The following HDAC9 variants were observed in gnomAD, a reference collection of about 807,000 sequenced individuals.
HDAC9 encodes histone deacetylase 9, also known as MEF-2 interacting transcription repressor (MITR) protein.
HDAC9 carries 41 observed loss-of-function variants against 139.4 expected under a neutral mutation model. The ratio of observed to expected loss-of-function variants is 0.29; its 90% CI spans 0.23 to 0.38. HDAC9 has a LOEUF of 0.38. Ranked by LOEUF, HDAC9 falls within the 10% of genes least tolerant of loss-of-function variation. The pLI is 1.00. For missense variants in HDAC9, 1,147 were observed against 1,297.0 expected, an observed-to-expected ratio of 0.88 and a Z score of 1.78; for synonymous variants, 517 against 476.2, an observed-to-expected ratio of 1.09 and a Z score of -1.12.
chr7:18,713,131 T>G (rs1486551998), intron 12 of HDAC9, among the ~76,000 whole-genome samples: 5 of 152,196 alleles, frequency 3.3e-5, no homozygotes, highest in Admixed American at 3.3e-4. Flanking sequence ...GAAAAGTCTA[T>G]TTTGTGGGCA....
intron 1 of HDAC9, among the ~76,000 whole-genome samples, chr7:18,389,420 A>C (rs1329808433): frequency 6.6e-6 from 1 of 152,234 alleles, no homozygotes; most frequent in African/African-American, 2.4e-5. Flanking sequence ...CGAAATCAGC[A>C]CATGGCTTCC....
chr7:18,715,395 A>G (rs1784628332), intron 12 of HDAC9, among the ~76,000 whole-genome samples: 1 of 152,200 alleles, frequency 6.6e-6, no homozygotes, highest in South Asian at 2.1e-4. Flanking sequence ...TTCAATGACA[A>G]AAGATATTTG....
intron 2 of HDAC9, among the ~76,000 whole-genome samples, chr7:18,217,527 G>A (rs1330209007): frequency 1.3e-5 from 2 of 151,816 alleles, no homozygotes; most frequent in South Asian, 2.1e-4. Flanking sequence ...GGACCTTTTT[G>A]GGTACTTTTA....
At chr7:18,945,922 A>G (rs1782355253) in intron 23 of HDAC9, among the ~76,000 whole-genome samples, 2 of 151,612 alleles carry the variant, frequency 1.3e-5, no homozygotes, top group South Asian at 4.2e-4. Flanking sequence ...CTGTATTCCC[A>G]GCTACTCAGG....
chr7:18,194,215 C>T (rs1299272837), intron 2 of HDAC9, among the ~76,000 whole-genome samples: 1 of 152,126 alleles, frequency 6.6e-6, no homozygotes, highest in Admixed American at 6.6e-5. Flanking sequence ...GTCATTTCTA[C>T]TTGCATTCTT....
chr7:18,571,453 A>G (rs1024409868), intron 2 of HDAC9, among the ~76,000 whole-genome samples: 5 of 152,204 alleles, frequency 3.3e-5, no homozygotes, highest in African/African-American at 1.2e-4. Context: ...CGTCTTTTCT[A>G]AAACATTTCC....
chr7:18,343,145 A>G (rs1173370522), intron 1 of HDAC9, among the ~76,000 whole-genome samples: 1 of 151,780 alleles, frequency 6.6e-6, no homozygotes, highest in African/African-American at 2.4e-5. Flanking sequence ...CATCTTTCTC[A>G]GTAAAAGTTG....
chr7:18,393,611 T>C (rs1426105470), intron 1 of HDAC9, among the ~76,000 whole-genome samples: 1 of 152,150 alleles, frequency 6.6e-6, no homozygotes, highest in Non-Finnish European at 1.5e-5. Flanking sequence ...TGTTTAGAAG[T>C]GCAGGAGGAA....
chr7:18,371,432 G>C (rs1042744962), intron 1 of HDAC9, among the ~76,000 whole-genome samples: 2 of 152,054 alleles, frequency 1.3e-5, no homozygotes, highest in African/African-American at 4.8e-5. Flanking sequence ...GTATGCCTTG[G>C]CTGAAATATC....
chr7:18,410,769 G>A (rs1459029503), intron 1 of HDAC9, among the ~76,000 whole-genome samples: 2 of 152,032 alleles, frequency 1.3e-5, no homozygotes, highest in Non-Finnish European at 2.9e-5. Context: ...TTAAGAAGGT[G>A]GGAATAGAGA....
intron 17 of HDAC9, among the ~76,000 whole-genome samples, chr7:18,794,300 A>G (rs1260360124): frequency 7.3e-6 from 1 of 136,768 alleles, no homozygotes; most frequent in African/African-American, 2.8e-5. Flanking sequence ...TAACATATGC[A>G]CTGTGAGTTT....
intron 24 of HDAC9, among the ~76,000 whole-genome samples, chr7:18,957,782 A>T (rs1459489210): frequency 6.6e-6 from 1 of 152,106 alleles, no homozygotes; most frequent in Non-Finnish European, 1.5e-5. Flanking sequence ...TCTGAGTGTC[A>T]CACAAGTGCC....
Position 18,763,909 on chromosome 7 carries a change from A to G in HDAC9, c.2164+1632A>G, listed in dbSNP as rs531761966. On this transcript the variant is annotated intron_variant, in intron 15 of 25. Coordinates refer to ENST00000686413, the MANE Select transcript of HDAC9 (RefSeq NM_178425.4). ...TGGGATTGATCAAATTGTGAATATA[A>G]ACACACATTTGATATTTGAGAAGTG... Among the ~76,000 whole-genome samples, 4 of 152,286 alleles carry G rather than the reference A, an allele frequency of 2.6e-5. No individual in the cohort carries two copies. In the South Asian group the frequency reaches 8.3e-4, roughly 32 times the overall value.
chr7:18,675,914 T>C (rs1347723576), intron 12 of HDAC9, among the ~76,000 whole-genome samples: 7 of 152,026 alleles, frequency 4.6e-5, no homozygotes, highest in African/African-American at 1.4e-4. Context: ...ATAAAAAGAA[T>C]CCTGGATTTT....
intron 1 of HDAC9, among the ~76,000 whole-genome samples, chr7:18,306,618 C>T (rs562701568): frequency 9.9e-5 from 15 of 152,260 alleles, no homozygotes; most frequent in African/African-American, 3.6e-4. Context: ...TGGTGCTATT[C>T]GTGCTGCTGG....
chr7:18,257,369 ACT>A (rs146860772), intron 2 of HDAC9, among the ~76,000 whole-genome samples: 497 of 109,654 alleles, frequency 4.5e-3, no homozygotes, highest in Middle Eastern at 0.014. Context: ...TGTCTCTCTG[ACT>A]CTCTCTCTCT....
At chr7:18,822,356 G>A (rs1290719605) in intron 17 of HDAC9, among the ~76,000 whole-genome samples, 2 of 151,802 alleles carry the variant, frequency 1.3e-5, no homozygotes, top group East Asian at 1.9e-4. Flanking sequence ...GTTTGTTGTT[G>A]TTGTTGTTGT....
chr7:18,214,176 T>C (rs556552682), intron 2 of HDAC9, among the ~76,000 whole-genome samples: 1 of 152,240 alleles, frequency 6.6e-6, no homozygotes, highest in African/African-American at 2.4e-5. Flanking sequence ...ATAACATTTT[T>C]ATATTAATAG....
In HDAC9 at chr7:18,929,955, G is replaced by A. The variant is rs933449746; in HGVS notation, c.2804-5854G>A. On this transcript the variant is annotated intron_variant, in intron 22 of 25. Coordinates refer to ENST00000686413, the MANE Select transcript of HDAC9 (RefSeq NM_178425.4). ...CGCCGCCTCAAAAAAAAAAATATCT[G>A]AAACAATATGATTTCTTAGCAGAAA... Among the ~76,000 whole-genome samples the A allele has an allele frequency of 4.6e-5, 7 of 150,588 alleles. No individual in the cohort carries two copies. In the South Asian group the frequency reaches 1.0e-3, roughly 23 times the overall value.
Sources: gnomAD v4.1 joint callset for allele counts (sites outside exome capture counted in the v4.1 genomes callset) on GRCh38, gnomAD v4.1.1 for gene constraint, MANE v1.5 for transcripts, NCBI Gene and HGNC (gene_info 2026-07-23, HGNC 2026-07-21) for gene names.